Variants in PPM1H observed in about 807,000 individuals in gnomAD.
PPM1H encodes the protein protein phosphatase, Mg2+/Mn2+ dependent 1H, also known as protein phosphatase 1H.
Under a neutral mutation model 54.9 loss-of-function variants are expected in PPM1H, and 27 were observed. The ratio of observed to expected loss-of-function variants is 0.49; its 90% CI spans 0.36 to 0.68. The LOEUF is 0.68. Among genes scored for constraint, PPM1H ranks in the 30% least tolerant of loss-of-function variants. The pLI is 0.00. For missense variants in PPM1H, 596 were observed against 667.8 expected (o/e 0.89, Z 1.19); for synonymous variants, 305 against 270.8 (o/e 1.13, Z -1.24).
At chr12:62,733,340 C>T (rs556269301) in intron 5 of PPM1H, among the ~76,000 whole-genome samples, 4 of 152,104 alleles carry the variant, frequency 2.6e-5, no homozygotes, top group South Asian at 2.1e-4. Flanking sequence ...CTGCAACCTC[C>T]GCCTCCCAGG....
intron 1 of PPM1H, among the ~76,000 whole-genome samples, chr12:62,894,630 G>A (rs185541340): frequency 6.6e-6 from 1 of 152,324 alleles, no homozygotes; most frequent in East Asian, 1.9e-4. Flanking sequence ...AGACATAAAA[G>A]TATGCAGTCC....
chr12:62,859,407 G>A (rs1295079233), intron 1 of PPM1H, among the ~76,000 whole-genome samples: 2 of 152,166 alleles, frequency 1.3e-5, no homozygotes, highest in African/African-American at 2.4e-5. Context: ...TTTTCAAAAT[G>A]AACCCTGCAG....
chr12:62,900,162 C>T (rs1871122375), intron 1 of PPM1H, among the ~76,000 whole-genome samples: 1 of 152,234 alleles, frequency 6.6e-6, no homozygotes, highest in South Asian at 2.1e-4. Context: ...AGTTCTGCCA[C>T]TCAGGCAAGC....
chr12:62,743,319 C>T (rs539276933), intron 4 of PPM1H, among the ~76,000 whole-genome samples: 42 of 152,224 alleles, frequency 2.8e-4, no homozygotes, highest in African/African-American at 7.9e-4. Flanking sequence ...CACCACTGCA[C>T]GCCAGCCTAG....
In PPM1H at chr12:62,873,417, G is replaced by A. The variant is rs763165433; in HGVS notation, c.246-41138C>T. On this transcript the variant is annotated intron_variant, in intron 1 of 9. Transcript: ENST00000228705. Reference sequence around the variant, plus strand: ...GGATATCACAGGGCAAAGCAATGACGTTAAGGACAAGAAGGCACTCTACCT... The same window carrying A: ...GGATATCACAGGGCAAAGCAATGACATTAAGGACAAGAAGGCACTCTACCT... Among the ~76,000 whole-genome samples the A allele has an allele frequency of 3.7e-4, 56 of 152,304 alleles. 1 individual carries two copies. Among genetic ancestry groups the A allele is most frequent in the Non-Finnish European group, 7.5e-4 (51 of 68,028 alleles).
intron 1 of PPM1H, among the ~76,000 whole-genome samples, chr12:62,866,942 C>G (rs1869796569): frequency 6.6e-6 from 1 of 152,006 alleles, no homozygotes. Context: ...CCTTCCACCC[C>G]ACACCCCATG....
At chr12:62,854,046 A>C (rs1358639444) in intron 1 of PPM1H, among the ~76,000 whole-genome samples, 1 of 152,208 alleles carries the variant, frequency 6.6e-6, no homozygotes, top group Non-Finnish European at 1.5e-5. Context: ...ACCAAAAAAC[A>C]AAACAAAGCA....
At chr12:62,814,252 A>G (rs781464828) in intron 2 of PPM1H, among the ~76,000 whole-genome samples, 1 of 151,966 alleles carries the variant, frequency 6.6e-6, no homozygotes. Flanking sequence ...TTTATTTTTT[A>G]TTTTTATTTT....
intron 1 of PPM1H, among the ~76,000 whole-genome samples, chr12:62,910,944 T>TA (rs1193636185): frequency 1.3e-5 from 2 of 152,068 alleles, no homozygotes; most frequent in African/African-American, 4.8e-5. Flanking sequence ...TGATAAAAAC[T>TA]AAAAAAATTA....
At chr12:62,736,559 A>C (rs1377361825) in intron 5 of PPM1H, among the ~76,000 whole-genome samples, 2 of 152,262 alleles carry the variant, frequency 1.3e-5, no homozygotes, top group Non-Finnish European at 2.9e-5. Flanking sequence ...AAAATGAATG[A>C]AAACACAGAC....
At chr12:62,761,215 C>T (rs768092409) in intron 4 of PPM1H, among the ~76,000 whole-genome samples, 4 of 152,156 alleles carry the variant, frequency 2.6e-5, no homozygotes, top group Non-Finnish European at 4.4e-5. Context: ...TCCACAGTTA[C>T]GGAGGAATAA....
chr12:62,825,654 G>A (rs1199643947), intron 2 of PPM1H, among the ~76,000 whole-genome samples: 1 of 152,098 alleles, frequency 6.6e-6, no homozygotes, highest in Admixed American at 6.5e-5. Flanking sequence ...AACATCATAT[G>A]TTCTCACTCA....
chr12:62,670,257 A>G (rs1229763095), intron 8 of PPM1H, among the ~76,000 whole-genome samples: 1 of 152,030 alleles, frequency 6.6e-6, no homozygotes, highest in Non-Finnish European at 1.5e-5. Context: ...GATTACAGGC[A>G]TGAGCCACCG....
At chr12:62,776,489 C>T (rs77533394) in intron 4 of PPM1H, among the ~76,000 whole-genome samples, 55 of 152,290 alleles carry the variant, frequency 3.6e-4, no homozygotes, top group African/African-American at 1.2e-3. Context: ...ATCATAGCTA[C>T]GTTCCTAGTG....
intron 1 of PPM1H, among the ~76,000 whole-genome samples, chr12:62,907,802 CTGGAAAAAGGTGCCTAACA>C (rs1295599188): frequency 6.6e-5 from 10 of 152,114 alleles, no homozygotes; most frequent in African/African-American, 2.2e-4. Flanking sequence ...AGTTTCAGAT[CTGGAAAAAGGTGCCTAACA>C]ACCAATGCAG....
At chr12:62,767,599 C>A (rs1324293456) in intron 4 of PPM1H, among the ~76,000 whole-genome samples, 1 of 152,148 alleles carries the variant, frequency 6.6e-6, no homozygotes, top group Non-Finnish European at 1.5e-5. Context: ...CCAAAGCCAT[C>A]CTGGTTTGTC....
chr12:62,816,301 C>T (rs1345388737), intron 2 of PPM1H, among the ~76,000 whole-genome samples: 1 of 152,202 alleles, frequency 6.6e-6, no homozygotes, highest in Non-Finnish European at 1.5e-5. Context: ...GCACATATTA[C>T]AGTTTGGGCA....
At chr12:62,822,661 T>C (rs1370429307) in intron 2 of PPM1H, among the ~76,000 whole-genome samples, 1 of 152,012 alleles carries the variant, frequency 6.6e-6, no homozygotes, top group Non-Finnish European at 1.5e-5. Flanking sequence ...CATAATGAAA[T>C]GAAGGCAGAA....
chr12:62,738,351 C>G (rs1027150385), intron 4 of PPM1H, among the ~76,000 whole-genome samples: 14 of 151,934 alleles, frequency 9.2e-5, no homozygotes, highest in Non-Finnish European at 5.9e-5. Flanking sequence ...GGGTGATATC[C>G]TGGGTCCAGG....
Sources: gnomAD v4.1 joint callset for allele counts (sites outside exome capture counted in the v4.1 genomes callset) on GRCh38, gnomAD v4.1.1 for gene constraint, MANE v1.5 for transcripts, NCBI Gene and HGNC (gene_info 2026-07-23, HGNC 2026-07-21) for gene names.